The following FAM110B variants were observed in gnomAD, a reference collection of about 807,000 sequenced individuals.
The protein encoded by FAM110B is protein FAM110B.
A neutral mutation model predicts 20.4 loss-of-function variants in FAM110B; 6 were observed. The ratio of observed to expected loss-of-function variants is 0.29; its 90% CI spans 0.16 to 0.58. The LOEUF is 0.58. Among genes scored for constraint, FAM110B ranks in the 20% least tolerant of loss-of-function variants. FAM110B has a pLI of 0.90. For missense variants in FAM110B, 434 were observed against 498.2 expected, an observed-to-expected ratio of 0.87 and a Z score of 1.23; for synonymous variants, 226 against 214.1, an observed-to-expected ratio of 1.06 and a Z score of -0.49.
In FAM110B at chr8:58,083,108, A is replaced by G. The variant is rs58347359; in HGVS notation, c.-325+7485A>G. Among the ~76,000 whole-genome samples the G allele has an allele frequency of 6.6e-3, 1,004 of 152,204 alleles. 5 individuals carry two copies. The highest frequency in any genetic ancestry group is 0.022 in the African/African-American group (929 of 41,508). On this transcript the variant is annotated intron_variant, in intron 3 of 3. Transcript: ENST00000519262. Reference sequence around the variant, plus strand: ...GAAAGTCACTGTACGTTGCTCATCTATCTTTTTGCTCACTGCCTCTCACAA... The same window carrying G: ...GAAAGTCACTGTACGTTGCTCATCTGTCTTTTTGCTCACTGCCTCTCACAA...
intron 1 of FAM110B, among the ~76,000 whole-genome samples, chr8:58,020,666 T>C (rs1478387709): frequency 6.6e-6 from 1 of 152,254 alleles, no homozygotes; most frequent in African/African-American, 2.4e-5. Context: ...TCAGAGTATA[T>C]GGGCTACATG....
At chr8:58,000,555 T>G (rs1804271571) in intron 1 of FAM110B, among the ~76,000 whole-genome samples, 1 of 152,216 alleles carries the variant, frequency 6.6e-6, no homozygotes, top group Non-Finnish European at 1.5e-5. Context: ...AAGATTTATC[T>G]TCAATCCTTT....
chr8:58,097,359 C>T (rs1184925081), intron 3 of FAM110B, among the ~76,000 whole-genome samples: 4 of 152,158 alleles, frequency 2.6e-5, no homozygotes, highest in Admixed American at 2.6e-4. Flanking sequence ...GTGTATGCTT[C>T]ACAAAGTTGT....
chr8:58,114,574 C>T (rs1432716764), intron 3 of FAM110B, among the ~76,000 whole-genome samples: 3 of 152,150 alleles, frequency 2.0e-5, no homozygotes, highest in Non-Finnish European at 2.9e-5. Context: ...CAAACACTGA[C>T]AGGCGAGTTC....
At chr8:58,000,907 A>AT (rs369714983) in intron 1 of FAM110B, among the ~76,000 whole-genome samples, 3 of 152,244 alleles carry the variant, frequency 2.0e-5, no homozygotes, top group South Asian at 2.1e-4. Flanking sequence ...TTAAAATCAG[A>AT]TTTTTTCCCC....
chr8:58,098,413 C>T (rs976976623), intron 3 of FAM110B, among the ~76,000 whole-genome samples: 5 of 152,182 alleles, frequency 3.3e-5, no homozygotes, highest in Non-Finnish European at 5.9e-5. Context: ...TCGAGTGTCC[C>T]GGGTGGACTT....
intron 2 of FAM110B, among the ~76,000 whole-genome samples, chr8:58,037,862 T>C (rs966059858): frequency 1.1e-4 from 16 of 152,184 alleles, no homozygotes; most frequent in Non-Finnish European, 2.2e-4. Context: ...GGGGCCGTCA[T>C]ACCTGACTAT....
At chr8:58,078,696 A>G (rs1432620472) in intron 3 of FAM110B, among the ~76,000 whole-genome samples, 2 of 151,026 alleles carry the variant, frequency 1.3e-5, no homozygotes, top group African/African-American at 2.4e-5. Context: ...GACTACAGGC[A>G]CCCGCCACCA....
At chr8:58,037,146 A>T (rs1585830854) in intron 2 of FAM110B, among the ~76,000 whole-genome samples, 1 of 152,152 alleles carries the variant, frequency 6.6e-6, no homozygotes, top group Non-Finnish European at 1.5e-5. Context: ...TTTTTTACAT[A>T]GTCTATAAGC....
At position 58,146,066 on chromosome 8, in the gene FAM110B, G is replaced by A. The variant is rs894510706; in HGVS notation, c.-165G>A. The A allele has an allele frequency of 1.2e-5, 9 of 739,942 alleles. No homozygotes were observed. In the African/African-American group the frequency reaches 1.4e-4, roughly 12 times the overall value. The allele number at this position is 739,942 out of a possible 1,614,324, so 45.8% of individuals were successfully genotyped here. A position where few individuals can be genotyped will look rare whatever the true frequency, so the allele number is the denominator to read the frequency against. On this transcript the variant is annotated 5_prime_UTR_variant, in exon 4 of 4. Transcript: ENST00000519262. ...AAAAGTGTATGAAAGCCACCGTGGC[G>A]GTTAATGAGCTGTGAGATGAGGCGC...
intron 3 of FAM110B, among the ~76,000 whole-genome samples, chr8:58,090,065 CTCT>C (rs1224246918): frequency 6.6e-6 from 1 of 152,216 alleles, no homozygotes; most frequent in Non-Finnish European, 1.5e-5. Flanking sequence ...CCTCCTCCTC[CTCT>C]TCCTCAGCCT....
At chr8:58,000,153 T>G (rs1804264422) in intron 1 of FAM110B, among the ~76,000 whole-genome samples, 1 of 152,230 alleles carries the variant, frequency 6.6e-6, no homozygotes, top group Non-Finnish European at 1.5e-5. Flanking sequence ...AAAGGCCCTG[T>G]GACAGGCAGA....
rs898336413 is a variant in FAM110B at position 58,009,542 on chromosome 8, C to T, written c.-512+14736C>T. Among the ~76,000 whole-genome samples the T allele has an allele frequency of 9.8e-5, 15 of 152,326 alleles. No homozygotes were observed. In the East Asian group the frequency reaches 2.9e-3, roughly 29 times the overall value. On this transcript the variant is annotated intron_variant, in intron 1 of 3. Coordinates refer to ENST00000519262, the MANE Select transcript of FAM110B (RefSeq NM_001377989.1). ...AACTCAATAATTTTTATATTAATTA[C>T]ATGTTGAAAGGGTAATATTTTGGAT...
At chr8:58,012,869 G>A (rs750250031) in intron 1 of FAM110B, among the ~76,000 whole-genome samples, 8 of 152,164 alleles carry the variant, frequency 5.3e-5, no homozygotes, top group Non-Finnish European at 8.8e-5. Context: ...TTGGGGTCCC[G>A]GTATCCTCCC....
chr8:58,035,812 C>G (rs1310639061), intron 2 of FAM110B, among the ~76,000 whole-genome samples: 6 of 152,194 alleles, frequency 3.9e-5, no homozygotes, highest in African/African-American at 1.4e-4. Context: ...GTTCTTTGCT[C>G]TATGCTAAGT....
intron 3 of FAM110B, among the ~76,000 whole-genome samples, chr8:58,079,238 T>G (rs1806124380): frequency 6.6e-6 from 1 of 152,180 alleles, no homozygotes; most frequent in Non-Finnish European, 1.5e-5. Context: ...TGAGACCCAC[T>G]GTGCCGGGAG....
At chr8:58,066,446 G>A (rs926601257) in intron 2 of FAM110B, among the ~76,000 whole-genome samples, 4 of 152,178 alleles carry the variant, frequency 2.6e-5, no homozygotes, top group African/African-American at 9.7e-5. Context: ...GCTGCCCATG[G>A]CCTTTGGAGC....
intron 1 of FAM110B, among the ~76,000 whole-genome samples, 155 bp downstream of exon 1, chr8:57,994,961 C>T (rs1052861265): frequency 1.3e-5 from 2 of 152,134 alleles, no homozygotes; most frequent in African/African-American, 4.8e-5. Flanking sequence ...GCAGCTTCCC[C>T]GCCCGGCCCG....
At chr8:58,083,075 A>T (rs1806240252) in intron 3 of FAM110B, among the ~76,000 whole-genome samples, 2 of 151,860 alleles carry the variant, frequency 1.3e-5, no homozygotes, top group Non-Finnish European at 2.9e-5. Flanking sequence ...TTTTTTGTAC[A>T]TATGAAGGAA....
Sources: gnomAD v4.1 joint callset for allele counts (sites outside exome capture counted in the v4.1 genomes callset) on GRCh38, gnomAD v4.1.1 for gene constraint, MANE v1.5 for transcripts, NCBI Gene and HGNC (gene_info 2026-07-23, HGNC 2026-07-21) for gene names.